Variants in CD72 observed in about 807,000 individuals in gnomAD.
The protein encoded by CD72 is CD72 molecule, also known as B-cell differentiation antigen CD72.
CD72 carries 28 observed loss-of-function variants against 50.7 expected under a neutral mutation model. The observed-to-expected ratio is 0.55, with a 90% confidence interval of 0.41 to 0.76. CD72 has a LOEUF of 0.76. CD72 is among the 30% of genes least tolerant of loss of function. The pLI is 0.00. For missense variants in CD72, 403 were observed against 420.6 expected (o/e 0.96, Z 0.37); for synonymous variants, 176 against 171.2 (o/e 1.03, Z -0.22).
intron 8 of CD72, 102 bp downstream of exon 8, chr9:35,610,500 T>G: frequency 3.2e-6 from 2 of 619,858 alleles, no homozygotes; most frequent in Non-Finnish European, 4.6e-6. Context: ...TCATCCCAGG[T>G]ACAAGTTTTC....
intron 4 of CD72, 48 bp downstream of exon 4, chr9:35,616,552 G>T: frequency 7.0e-7 from 1 of 1,423,088 alleles, no homozygotes; most frequent in Non-Finnish European, 9.9e-7. Flanking sequence ...CGAGAGTCGG[G>T]ACGAAAGTCG....
At position 35,617,252 on chromosome 9, in the gene CD72, C is replaced by G. The variant is rs368656007; in HGVS notation, c.191-5G>C. ...TTGGCTGCTCCGACTTGACCGCTGT[C>G]GAGGGGAGCATCCAGTGTGAGACCG... is the stretch of plus-strand genomic sequence containing the variant. On this transcript the variant is annotated splice_polypyrimidine_tract_variant and splice_region_variant and intron_variant, in intron 2 of 8. Coordinates refer to ENST00000259633, the MANE Select transcript of CD72 (RefSeq NM_001782.3). 553 of 1,547,188 alleles carry G rather than the reference C, an allele frequency of 3.6e-4. 1 individual carries two copies. Among genetic ancestry groups the G allele is most frequent in the Non-Finnish European group, 4.3e-4 (498 of 1,145,672 alleles).
chr9:35,614,736 C>T (rs1823040936), intron 5 of CD72, among the ~76,000 whole-genome samples: 1 of 152,084 alleles, frequency 6.6e-6, no homozygotes, highest in African/African-American at 2.4e-5. Flanking sequence ...TGCGGTGGCT[C>T]ACGACTGTAA....
At chr9:35,633,313 A>G (rs1039022875) in intron 1 of CD72, among the ~76,000 whole-genome samples, 4 of 140,450 alleles carry the variant, frequency 2.8e-5, no homozygotes, top group Middle Eastern at 3.6e-3. Flanking sequence ...TTATTTTCTG[A>G]TTTGATTTCT....
At chr9:35,620,831 A>G (rs10123171), upstream of CD72, among the ~76,000 whole-genome samples, 2 of 152,050 alleles carry the variant, frequency 1.3e-5, no homozygotes, top group African/African-American at 2.4e-5. Flanking sequence ...AAAAAAAAAT[A>G]AAAAAAAGAA....
intron 1 of CD72, among the ~76,000 whole-genome samples, chr9:35,632,422 G>T (rs570894022): frequency 2.0e-5 from 3 of 151,776 alleles, no homozygotes; most frequent in African/African-American, 4.8e-5. Context: ...CGCCCGCCTC[G>T]GCCTCCCAAA....
intron 1 of CD72, among the ~76,000 whole-genome samples, chr9:35,637,929 C>T (rs1250594667): frequency 6.6e-6 from 1 of 152,158 alleles, no homozygotes; most frequent in African/African-American, 2.4e-5. Flanking sequence ...CCTCGATTCC[C>T]CCATCTTTTC....
chr9:35,620,659 C>T (rs1026071161), upstream of CD72, among the ~76,000 whole-genome samples: 1 of 151,960 alleles, frequency 6.6e-6, no homozygotes, highest in Non-Finnish European at 1.5e-5. Flanking sequence ...GGTGAAATCC[C>T]ATCTGTATTA....
chr9:35,613,841 TAAAAATACCA>T (rs1190133560), intron 5 of CD72, among the ~76,000 whole-genome samples: 1 of 151,982 alleles, frequency 6.6e-6, no homozygotes, highest in Non-Finnish European at 1.5e-5. Flanking sequence ...CCACCTCTAC[TAAAAATACCA>T]AAAAATACCC....
chr9:35,611,427 G>GC (rs1787635379), intron 7 of CD72, among the ~76,000 whole-genome samples: 1 of 152,102 alleles, frequency 6.6e-6, no homozygotes, highest in Non-Finnish European at 1.5e-5. Context: ...CAGCTCTAGT[G>GC]CCCCAAGTGG....
At chr9:35,622,329 C>T (rs1017123241), upstream of CD72, among the ~76,000 whole-genome samples, 2 of 152,182 alleles carry the variant, frequency 1.3e-5, no homozygotes, top group African/African-American at 4.8e-5. Context: ...TCTTCGGTGA[C>T]TTGCCCCAGG....
chr9:35,613,081 C>A, intron 5 of CD72, 88 bp from the exon 6 acceptor site: 1 of 1,106,358 alleles, frequency 9.0e-7, no homozygotes, highest in African/African-American at 1.6e-5. Flanking sequence ...TCCCCCAGAG[C>A]TAATCTCAGC....
intron 1 of CD72, among the ~76,000 whole-genome samples, chr9:35,640,735 C>A (rs1310251669): frequency 6.6e-6 from 1 of 152,212 alleles, no homozygotes; most frequent in Non-Finnish European, 1.5e-5. Flanking sequence ...CGAGCCGTAA[C>A]AAACATGGAC....
chr9:35,645,044 A>G (rs1823375478), intron 1 of CD72, among the ~76,000 whole-genome samples: 1 of 151,802 alleles, frequency 6.6e-6, no homozygotes, highest in African/African-American at 2.4e-5. Context: ...TACTAAAAAC[A>G]CAAAATAAGC....
chr9:35,616,248 G>T lies in CD72; in HGVS notation c.383C>A (p.Thr128Lys). 1 of 1,613,942 alleles carries T rather than the reference G, an allele frequency of 6.2e-7. No individual in the cohort carries two copies. The highest frequency in any genetic ancestry group is 2.2e-5 in the East Asian group (1 of 44,864). The change falls in exon 5 of 9, where the codon ACG becomes AAG. Residue 128 changes from threonine (T) to lysine (K), a missense_variant. Physicochemically the swap from Thr to Lys is moderately conservative, Grantham distance 78. Coordinates refer to ENST00000259633, the MANE Select transcript of CD72 (RefSeq NM_001782.3). ...YLQVSQQLQQ[T>K]NRVLEVTNSS... ...GTTAGTGACTTCCAGAACCCTGTTCGTCTGCTGGAGCTGCTGAGACACCTG... is the reference window on the plus strand; with the variant it reads ...GTTAGTGACTTCCAGAACCCTGTTCTTCTGCTGGAGCTGCTGAGACACCTG...
chr9:35,621,634 G>A (rs1823147752), upstream of CD72, among the ~76,000 whole-genome samples: 1 of 152,166 alleles, frequency 6.6e-6, no homozygotes, highest in South Asian at 2.1e-4. Flanking sequence ...TAGATAGAGA[G>A]ATTATCCTGT....
chr9:35,624,313 G>A (rs149265305), upstream of CD72, among the ~76,000 whole-genome samples: 108 of 151,236 alleles, frequency 7.1e-4, 1 homozygote, highest in Middle Eastern at 0.034. Context: ...TCTGCCTAAG[G>A]CTGGCCAGTC....
intron 1 of CD72, among the ~76,000 whole-genome samples, chr9:35,624,783 C>T (rs1465915001): frequency 1.3e-5 from 2 of 152,150 alleles, no homozygotes; most frequent in Non-Finnish European, 2.9e-5. Flanking sequence ...TTTGGTAATT[C>T]TTAAAATATT....
chr9:35,638,063 G>A (rs949140597), intron 1 of CD72, among the ~76,000 whole-genome samples: 6 of 152,138 alleles, frequency 3.9e-5, no homozygotes, highest in African/African-American at 1.2e-4. Context: ...AGTGGCCAGA[G>A]AACGGCACTG....
Sources: allele counts gnomAD v4.1 joint callset (sites outside exome capture counted in the v4.1 genomes callset), GRCh38; gene constraint gnomAD v4.1.1; transcripts MANE v1.5; gene names NCBI Gene and HGNC (gene_info 2026-07-23, HGNC 2026-07-21).